The following ENTREP1 variants were observed in gnomAD, a reference collection of about 807,000 sequenced individuals.
ENTREP1 encodes the protein endosomal transmembrane epsin interactor 1, also known as Friedreich ataxia region gene X123.
chr9:69,392,090 A>G, the ENTREP1 span: 1 of 462,068 alleles, frequency 2.2e-6, no homozygotes, highest in African/African-American at 1.9e-5. Flanking sequence ...ATGCCCTGGC[A>G]TGGGCAGAAA....
the ENTREP1 span, among the ~76,000 whole-genome samples, chr9:69,352,307 C>G: frequency 4.0e-5 from 6 of 151,850 alleles, no homozygotes; most frequent in Non-Finnish European, 8.8e-5. Flanking sequence ...TTAGTAGAAC[C>G]TGAGTTTCTC....
chr9:69,362,115 T>C, the ENTREP1 span, among the ~76,000 whole-genome samples: 1 of 152,176 alleles, frequency 6.6e-6, no homozygotes, highest in East Asian at 1.9e-4. Flanking sequence ...ACTATTTATT[T>C]ATTTAAACCT....
At chr9:69,383,538 A>G in the ENTREP1 span, 1 of 1,566,150 alleles carries the variant, frequency 6.4e-7, no homozygotes, top group South Asian at 1.2e-5. Flanking sequence ...GGTTTTCCCC[A>G]CAGTTTAGAG....
At chr9:69,377,675 T>C in the ENTREP1 span, 6 of 1,614,096 alleles carry the variant, frequency 3.7e-6, no homozygotes, top group Admixed American at 1.0e-4. Flanking sequence ...CCTGATGATT[T>C]TGTGCCGCCT....
At chr9:69,360,028 T>C in the ENTREP1 span, among the ~76,000 whole-genome samples, 1 of 152,126 alleles carries the variant, frequency 6.6e-6, no homozygotes, top group Admixed American at 6.5e-5. Flanking sequence ...ACTCATTTTT[T>C]ATAAGTAAAT....
the ENTREP1 span, among the ~76,000 whole-genome samples, chr9:69,330,205 G>A: frequency 2.6e-5 from 4 of 152,110 alleles, no homozygotes; most frequent in African/African-American, 9.7e-5. Context: ...ACTGGGGTAT[G>A]GGAGACTCAG....
the ENTREP1 span, among the ~76,000 whole-genome samples, chr9:69,329,077 A>G: frequency 9.2e-5 from 14 of 152,188 alleles, no homozygotes; most frequent in Non-Finnish European, 1.8e-4. Flanking sequence ...TGGATATGCC[A>G]TGTTTATTTA....
the ENTREP1 span, among the ~76,000 whole-genome samples, chr9:69,351,529 G>T: frequency 6.6e-6 from 1 of 152,146 alleles, no homozygotes; most frequent in Non-Finnish European, 1.5e-5. Flanking sequence ...TGATTCTCTT[G>T]CCTCAGCCTT....
the ENTREP1 span, among the ~76,000 whole-genome samples, chr9:69,356,338 A>G: frequency 1.3e-5 from 2 of 152,212 alleles, no homozygotes; most frequent in Admixed American, 6.5e-5. Context: ...TCATGGCTGA[A>G]TGAGATTCCA....
the ENTREP1 span, chr9:69,371,300 T>C: frequency 3.2e-6 from 2 of 631,844 alleles, no homozygotes; most frequent in Non-Finnish European, 2.8e-6. Flanking sequence ...TGAGAAGACT[T>C]AAGAGTCAGT....
the ENTREP1 span, chr9:69,375,736 G>A: frequency 6.2e-7 from 1 of 1,611,300 alleles, no homozygotes; most frequent in South Asian, 1.1e-5. Context: ...CTCCGTTAAG[G>A]TGGACTTAGG....
the ENTREP1 span, among the ~76,000 whole-genome samples, chr9:69,340,735 ATG>A: frequency 2.3e-3 from 245 of 107,166 alleles, 5 homozygotes; most frequent in Middle Eastern, 9.0e-3. Flanking sequence ...GTGTGTGTGT[ATG>A]TGTGTGTGTT....
the ENTREP1 span, among the ~76,000 whole-genome samples, chr9:69,390,013 A>C: frequency 1.3e-5 from 2 of 152,206 alleles, no homozygotes; most frequent in Non-Finnish European, 2.9e-5. Context: ...AGGACAGCAG[A>C]AGGAGACCAG....
chr9:69,383,153 T>A, the ENTREP1 span: 7 of 980,728 alleles, frequency 7.1e-6, no homozygotes, highest in Non-Finnish European at 7.3e-6. Flanking sequence ...AGTCCTTAGC[T>A]GTTTTTTAAA....
At chr9:69,391,444 G>A in the ENTREP1 span, among the ~76,000 whole-genome samples, 1 of 151,816 alleles carries the variant, frequency 6.6e-6, no homozygotes, top group African/African-American at 2.4e-5. Flanking sequence ...AGAACCTCTG[G>A]AATTCCAAGT....
At chr9:69,340,666 C>CATGCATGTGTGTGTGCAT in the ENTREP1 span, among the ~76,000 whole-genome samples, 1 of 108,650 alleles carries the variant, frequency 9.2e-6, no homozygotes, top group African/African-American at 3.8e-5. Context: ...TGTGTGTGTG[C>CATGCATGTGTGTGTGCAT]GTGTGTGTGT....
chr9:69,383,094 GACAAAA>G, the ENTREP1 span: 1 of 985,236 alleles, frequency 1.0e-6, no homozygotes, highest in Middle Eastern at 5.2e-4. Context: ...TTACCCACAG[GACAAAA>G]ACAAGAGTCA....
the ENTREP1 span, among the ~76,000 whole-genome samples, chr9:69,356,492 G>A: frequency 1.9e-5 from 1 of 53,840 alleles, no homozygotes; most frequent in Admixed American, 1.8e-4. Flanking sequence ...TGGTTGGGGA[G>A]TCATGATCTG....
At chr9:69,366,286 G>A in the ENTREP1 span, among the ~76,000 whole-genome samples, 3 of 151,404 alleles carry the variant, frequency 2.0e-5, no homozygotes, top group African/African-American at 7.3e-5. Context: ...GTGATGTTGT[G>A]CGCTTTTTCA....
Sources: gnomAD v4.1 joint callset for allele counts (sites outside exome capture counted in the v4.1 genomes callset) on GRCh38, gnomAD v4.1.1 for gene constraint, MANE v1.5 for transcripts, NCBI Gene and HGNC (gene_info 2026-07-23, HGNC 2026-07-21) for gene names.